The following USH2A variants were observed in gnomAD, a reference collection of about 807,000 sequenced individuals.
The protein encoded by USH2A is Usher syndrome 2A (autosomal recessive, mild).
A neutral mutation model predicts 538.9 loss-of-function variants in USH2A; 443 were observed. That is an observed-to-expected ratio of 0.82 (90% CI 0.76 to 0.89). USH2A has a LOEUF of 0.89. Ranked by LOEUF, USH2A falls within the 40% of genes least tolerant of loss-of-function variation. The pLI is 0.00. For synonymous variants in USH2A, 2,413 were observed against 2,273.5 expected (o/e 1.06, Z -1.75); for missense variants, 6,633 against 6,324.8 (o/e 1.05, Z -1.65).
Position 216,050,607 on chromosome 1 carries a change from T to TCCTTCTTTC in USH2A, c.6050-1961_6050-1960insGAAAGAAGG, listed in dbSNP as rs1553294758. Among the ~76,000 whole-genome samples the TCCTTCTTTC allele has an allele frequency of 5.1e-5, 3 of 59,196 alleles. 1 individual carries two copies. The highest frequency in any genetic ancestry group is 1.5e-4 in the African/African-American group (3 of 20,412). The allele number at this position is 59,196 out of a possible 152,430, so 38.8% of individuals were successfully genotyped here. On this transcript the variant is annotated intron_variant, in intron 30 of 71. Coordinates refer to ENST00000307340, the MANE Select transcript of USH2A (RefSeq NM_206933.4). The stretch of plus-strand genomic sequence containing the variant: ...TTCTTTCTTTCTTTCTTTCTTTCTT[T>TCCTTCTTTC]TTTTTTTTTTTTTTTGAGACAGAGT...
chr1:216,302,393 G>A (rs2037232868), intron 9 of USH2A, among the ~76,000 whole-genome samples: 1 of 152,154 alleles, frequency 6.6e-6, no homozygotes, highest in South Asian at 2.1e-4. Context: ...TACAGATTAT[G>A]TAATTTCAAT....
intron 55 of USH2A, among the ~76,000 whole-genome samples, chr1:215,771,355 C>T (rs954267833): frequency 6.6e-5 from 10 of 151,038 alleles, no homozygotes; most frequent in South Asian, 2.1e-4. Flanking sequence ...CCGAGGCGGG[C>T]GGATCACGAG....
rs771430019 is a variant in USH2A, at chr1:215,838,112, A to G, written c.9259-9T>C. ...ATTGTGCAGACTTCAACCTGCAAAC[A>G]TTAGTTTAGAAAAAATAAATGCAAC... On this transcript the variant is annotated splice_polypyrimidine_tract_variant and intron_variant, in intron 46 of 71. Transcript: ENST00000307340. 5 of 1,607,216 alleles carry G rather than the reference A, an allele frequency of 3.1e-6. 1 individual carries two copies. In the South Asian group the frequency reaches 5.5e-5, roughly 18 times the overall value.
intron 38 of USH2A, among the ~76,000 whole-genome samples, chr1:215,924,888 T>C (rs1183621949): frequency 2.0e-5 from 3 of 152,074 alleles, no homozygotes; most frequent in African/African-American, 7.2e-5. Flanking sequence ...AGTATGCAAA[T>C]ATGGAGAGCT....
intron 37 of USH2A, among the ~76,000 whole-genome samples, chr1:215,938,064 T>G (rs1187140739): frequency 2.6e-5 from 4 of 152,116 alleles, no homozygotes; most frequent in Non-Finnish European, 5.9e-5. Context: ...AACATTAAGT[T>G]CTAGTTATAG....
At chr1:216,100,393 C>A (rs2032549369) in intron 21 of USH2A, among the ~76,000 whole-genome samples, 1 of 152,148 alleles carries the variant, frequency 6.6e-6, no homozygotes, top group South Asian at 2.1e-4. Flanking sequence ...TGGTCTACAA[C>A]CTGAGCAGAG....
At chr1:216,244,191 A>G (rs999639421) in intron 13 of USH2A, among the ~76,000 whole-genome samples, 2 of 152,166 alleles carry the variant, frequency 1.3e-5, no homozygotes, top group African/African-American at 4.8e-5. Context: ...CATGTCGGGA[A>G]AGGAGAATGA....
chr1:216,173,902 A>G (rs1017364451), intron 21 of USH2A: 2 of 907,014 alleles, frequency 2.2e-6, no homozygotes, highest in African/African-American at 1.8e-5. Context: ...AAAGAGTTTT[A>G]CTATTATTCA....
At chr1:216,196,489 C>CA in intron 19 of USH2A, 64 bp downstream of exon 19, 1 of 1,594,640 alleles carries the variant, frequency 6.3e-7, no homozygotes, top group Non-Finnish European at 8.6e-7. Flanking sequence ...TCTGCAAACT[C>CA]AAAAAATGTC....
chr1:216,309,446 T>C (rs1418071541), intron 9 of USH2A, among the ~76,000 whole-genome samples: 2 of 152,188 alleles, frequency 1.3e-5, no homozygotes, highest in Non-Finnish European at 2.9e-5. Flanking sequence ...AATTCTAATA[T>C]GTTCAGCACA....
intron 21 of USH2A, among the ~76,000 whole-genome samples, chr1:216,173,007 C>T (rs1009059097): frequency 2.6e-5 from 4 of 152,124 alleles, no homozygotes; most frequent in Non-Finnish European, 5.9e-5. Flanking sequence ...ATGGGCAAGT[C>T]ACTCACTGGA....
At chr1:216,047,753 T>C (rs2030585764) in intron 31 of USH2A, among the ~76,000 whole-genome samples, 1 of 152,084 alleles carries the variant, frequency 6.6e-6, no homozygotes, top group African/African-American at 2.4e-5. Flanking sequence ...AGCGTTTAAA[T>C]CTCCTAAAGA....
chr1:215,640,819 CA>C, intron 67 of USH2A, 85 bp from the exon 68 acceptor site: 1 of 1,100,282 alleles, frequency 9.1e-7, no homozygotes, highest in African/African-American at 2.1e-5. Context: ...AAAATATGAG[CA>C]AAATCAAACC....
chr1:216,237,494 TAAAAAA>T (rs59074625), intron 13 of USH2A, among the ~76,000 whole-genome samples: 1 of 114,300 alleles, frequency 8.7e-6, no homozygotes, highest in Admixed American at 9.5e-5. Context: ...GACTCCGTCT[TAAAAAA>T]AAAAAAAAAA....
intron 30 of USH2A, among the ~76,000 whole-genome samples, chr1:216,056,596 C>G (rs904377841): frequency 1.3e-5 from 2 of 152,134 alleles, no homozygotes; most frequent in Non-Finnish European, 2.9e-5. Flanking sequence ...TAATAGCACA[C>G]TTTTTACTAT....
At chr1:216,272,789 G>A (rs894276050) in intron 11 of USH2A, among the ~76,000 whole-genome samples, 1 of 152,088 alleles carries the variant, frequency 6.6e-6, no homozygotes, top group African/African-American at 2.4e-5. Flanking sequence ...TGGCAAAATA[G>A]GTTGAGAAAG....
intron 48 of USH2A, among the ~76,000 whole-genome samples, chr1:215,815,852 C>G (rs1662846125): frequency 6.6e-6 from 1 of 152,010 alleles, no homozygotes; most frequent in African/African-American, 2.4e-5. Context: ...CTTATCAAAT[C>G]CATTATACAC....
chr1:216,387,462 C>T (rs1441434763), intron 3 of USH2A, among the ~76,000 whole-genome samples: 5 of 152,158 alleles, frequency 3.3e-5, no homozygotes, highest in African/African-American at 4.8e-5. Flanking sequence ...AAATATTTCA[C>T]GCAAGTTAAA....
In USH2A at chr1:216,017,490, A is replaced by C. The variant is rs182000238; in HGVS notation, c.6326-16928T>G. ...AGGTTTTTCTCTCAGAATTAGTTGG[A>C]TATTTGCTACTATCATATTCTTTAA... On this transcript the variant is annotated intron_variant, in intron 32 of 71. Transcript: ENST00000307340. Among the ~76,000 whole-genome samples, 54 of 152,308 alleles carry C rather than the reference A, an allele frequency of 3.5e-4. No individual in the cohort carries two copies. The East Asian group carries it at 9.6e-3, about 27-fold the overall frequency.
Sources: gnomAD v4.1 joint callset for allele counts (sites outside exome capture counted in the v4.1 genomes callset) on GRCh38, gnomAD v4.1.1 for gene constraint, MANE v1.5 for transcripts, NCBI Gene and HGNC (gene_info 2026-07-23, HGNC 2026-07-21) for gene names.